SMR3B: variants seen among roughly 807,000 people sequenced by gnomAD.
SMR3B encodes submaxillary gland androgen regulated protein 3B.
For synonymous variants in SMR3B, 42 were observed against 36.1 expected, an observed-to-expected ratio of 1.16 and a Z score of -0.59; for missense variants, 114 against 99.9, an observed-to-expected ratio of 1.14 and a Z score of -0.60.
At chr4:70,387,610 A>C (rs903498369) in intron 2 of SMR3B, among the ~76,000 whole-genome samples, 2 of 152,188 alleles carry the variant, frequency 1.3e-5, no homozygotes, top group African/African-American at 4.8e-5. Context: ...GAAAATTCCT[A>C]GCTATCAATG....
Position 70,384,660 on chromosome 4 carries a change from A to T in SMR3B, c.54+96A>T, listed in dbSNP as rs142853210. The T allele has an allele frequency of 4.9e-5, 76 of 1,559,610 alleles. 1 individual carries two copies. Among genetic ancestry groups the T allele is most frequent in the Non-Finnish European group, 6.2e-5 (72 of 1,152,854 alleles). On this transcript the variant is annotated intron_variant, in intron 2 of 2. Coordinates refer to ENST00000304915, the MANE Select transcript of SMR3B (RefSeq NM_006685.4). ...CATTAATGATGTTACCTTTTCTTATATATTAGTAACTATTAATCATCAATG... is the reference window on the plus strand; with the variant it reads ...CATTAATGATGTTACCTTTTCTTATTTATTAGTAACTATTAATCATCAATG...
At position 70,390,002 on chromosome 4, in the gene SMR3B, GCCA is replaced by G. The variant is rs1414643946; in HGVS notation, c.*165_*167del. 11 of 1,455,192 alleles carry G rather than the reference GCCA, an allele frequency of 7.6e-6. No individual in the cohort carries two copies. The highest frequency in any genetic ancestry group is 1.4e-5 in the African/African-American group (1 of 71,652). 90.1% of individuals were successfully genotyped at this position (1,455,192 alleles called of 1,614,324 possible). On this transcript the variant is annotated 3_prime_UTR_variant, in exon 3 of 3. Transcript: ENST00000304915. ...CCAAATATGAACAACTGCAGCAGGT[GCCA>G]CCACCACCACAAAAGACACCACTAC... is the stretch of plus-strand genomic sequence containing the variant.
chr4:70,384,600 G>A (rs2233587), intron 2 of SMR3B, 36 bp downstream of exon 2: 10 of 1,559,084 alleles, frequency 6.4e-6, no homozygotes, highest in African/African-American at 2.8e-5. Flanking sequence ...CTTCTTTATA[G>A]TTTCTCATTA....
At chr4:70,388,326 T>G (rs1416510163) in intron 2 of SMR3B, among the ~76,000 whole-genome samples, 2 of 152,156 alleles carry the variant, frequency 1.3e-5, no homozygotes, top group Non-Finnish European at 2.9e-5. Flanking sequence ...TTGTCCAAGT[T>G]GGCCTTGAAC....
intron 2 of SMR3B, among the ~76,000 whole-genome samples, chr4:70,385,865 T>C (rs1420815906): frequency 6.6e-6 from 1 of 152,188 alleles, no homozygotes; most frequent in Non-Finnish European, 1.5e-5. Flanking sequence ...GGCTTGATTA[T>C]AAAGCTTATT....
chr4:70,385,740 C>G (rs1021645533), intron 2 of SMR3B, among the ~76,000 whole-genome samples: 5 of 152,040 alleles, frequency 3.3e-5, no homozygotes, highest in Middle Eastern at 3.4e-3. Flanking sequence ...TCAGGAAATT[C>G]TAAGGTTACT....
At position 70,385,629 on chromosome 4, in the gene SMR3B, C is replaced by T. The variant is rs926666047; in HGVS notation, c.54+1065C>T. ...CCGTGTTAGCCAGGATGGTCTCGATCTCCTGACCTCGTGATCCGCCAGCCT... is the reference window on the plus strand; with the variant it reads ...CCGTGTTAGCCAGGATGGTCTCGATTTCCTGACCTCGTGATCCGCCAGCCT... On this transcript the variant is annotated intron_variant, in intron 2 of 2. Coordinates refer to ENST00000304915, the MANE Select transcript of SMR3B (RefSeq NM_006685.4). 3.3e-5 allele frequency among the ~76,000 whole-genome samples: 5 copies of T among 149,292 alleles called. No individual in the cohort carries two copies. In the East Asian group the frequency reaches 5.9e-4, roughly 18 times the overall value.
intron 2 of SMR3B, among the ~76,000 whole-genome samples, chr4:70,387,619 T>C (rs982057004): frequency 6.6e-6 from 1 of 152,128 alleles, no homozygotes; most frequent in Admixed American, 6.5e-5. Flanking sequence ...TAGCTATCAA[T>C]GACTCCATGG....
rs770468825 is a variant in SMR3B, at chr4:70,389,962, C to G, written c.*114C>G. ...TAAATTCTCCAACTGATCCTACCCT[C>G]CCTACTCCTGCACCCCAAATATGAA... On this transcript the variant is annotated 3_prime_UTR_variant, in exon 3 of 3. Transcript: ENST00000304915. The G allele has an allele frequency of 6.3e-7, 1 of 1,583,574 alleles. No individual in the cohort carries two copies. Among genetic ancestry groups the G allele is most frequent in the Non-Finnish European group, 8.7e-7 (1 of 1,152,554 alleles).
At chr4:70,384,748 T>C in intron 2 of SMR3B, 184 bp downstream of exon 2, 1 of 1,247,156 alleles carries the variant, frequency 8.0e-7, no homozygotes, top group South Asian at 1.6e-5. Flanking sequence ...ACATGTCTGA[T>C]GGCTGCCATA....
chr4:70,386,441 T>C (rs1027333749), intron 2 of SMR3B, among the ~76,000 whole-genome samples: 7 of 150,162 alleles, frequency 4.7e-5, no homozygotes, highest in African/African-American at 1.7e-4. Context: ...TGTGTATATG[T>C]ACACACACAC....
At chr4:70,386,524 G>A (rs6600824) in intron 2 of SMR3B, among the ~76,000 whole-genome samples, 106,472 of 151,846 alleles carry the variant, frequency 0.7, 37,642 homozygotes, top group African/African-American at 0.77. Context: ...CAAAGTATCC[G>A]TGTCTTAGAT....
chr4:70,387,901 A>G (rs1454512564), intron 2 of SMR3B, among the ~76,000 whole-genome samples: 1 of 152,228 alleles, frequency 6.6e-6, no homozygotes, highest in African/African-American at 2.4e-5. Context: ...ACCATTGTTA[A>G]GAACCTGGAA....
chr4:70,385,734 G>T (rs1732652740), intron 2 of SMR3B, among the ~76,000 whole-genome samples: 1 of 151,952 alleles, frequency 6.6e-6, no homozygotes, highest in African/African-American at 2.4e-5. Flanking sequence ...ACAAAATCAG[G>T]AAATTCTAAG....
intron 1 of SMR3B, among the ~76,000 whole-genome samples, chr4:70,383,882 T>C (rs1468024393): frequency 6.6e-6 from 1 of 152,154 alleles, no homozygotes; most frequent in Non-Finnish European, 1.5e-5. Context: ...CTTGCCTTGG[T>C]CTCTGATATA....
intron 2 of SMR3B, among the ~76,000 whole-genome samples, chr4:70,385,799 T>C (rs1314781931): frequency 6.6e-6 from 1 of 152,122 alleles, no homozygotes; most frequent in African/African-American, 2.4e-5. Context: ...TATGTTGACA[T>C]AATTTTTAAT....
intron 2 of SMR3B, among the ~76,000 whole-genome samples, chr4:70,389,236 T>G (rs1732716483): frequency 6.6e-6 from 1 of 152,210 alleles, no homozygotes; most frequent in African/African-American, 2.4e-5. Context: ...GTGTGCCCAC[T>G]GCTGTATTTC....
chr4:70,385,215 T>C (rs1732637200), intron 2 of SMR3B: 1 of 152,172 alleles, frequency 6.6e-6, no homozygotes, highest in South Asian at 2.1e-4. Context: ...GTTAGATTAA[T>C]TCCAGTGACA....
intron 2 of SMR3B, among the ~76,000 whole-genome samples, chr4:70,389,320 T>A: frequency 6.6e-6 from 1 of 152,160 alleles, no homozygotes; most frequent in East Asian, 1.9e-4. Context: ...GTTATTGGAC[T>A]GAAGCCCCTA....
Sources: allele counts gnomAD v4.1 joint callset (sites outside exome capture counted in the v4.1 genomes callset), GRCh38; gene constraint gnomAD v4.1.1; transcripts MANE v1.5; gene names NCBI Gene and HGNC (gene_info 2026-07-23, HGNC 2026-07-21).